PKHD1L1: variants seen among roughly 807,000 people sequenced by gnomAD.
The protein encoded by PKHD1L1 is PKHD1 like 1.
PKHD1L1 carries 434 observed loss-of-function variants against 462.9 expected under a neutral mutation model. That is an observed-to-expected ratio of 0.94 (90% CI 0.87 to 1.02). The LOEUF is 1.02. PKHD1L1 is among the 50% of genes least tolerant of loss of function. The probability of loss-of-function intolerance (pLI) is 0.00; values close to 1 mark genes in which losing one functional copy is unlikely to be tolerated. For synonymous variants in PKHD1L1, 1,781 were observed against 1,750.0 expected (o/e 1.02, Z -0.44); for missense variants, 5,202 against 5,096.1 (o/e 1.02, Z -0.63).
Position 109,398,493 on chromosome 8 carries a change from T to C in PKHD1L1, c.957T>C (p.Asn319=), listed in dbSNP as rs752781576. The C allele has an allele frequency of 5.7e-6, 9 of 1,570,444 alleles. No individual in the cohort carries two copies. In the South Asian group the frequency reaches 1.0e-4, roughly 18 times the overall value. The change falls in exon 12 of 78, where the codon AAT becomes AAC. Residue 319 remains asparagine (N), a synonymous_variant. Transcript: ENST00000378402. ...GTGATATTTTGAATGTCACAGAAAA[T>C]AGTATATGTTGCAAGACACCCCCCA... The part of the protein sequence containing the change: ...EPCDILNVTE[N]SICCKTPPKP...
At chr8:109,385,510 C>A (rs1299846808) in intron 5 of PKHD1L1, 27 bp from the exon 6 acceptor site, 1 of 1,457,322 alleles carries the variant, frequency 6.9e-7, no homozygotes, top group Non-Finnish European at 9.4e-7. Context: ...TACACAGAAT[C>A]TTTTTGGGGT....
intron 50 of PKHD1L1, chr8:109,470,527 G>A: frequency 6.2e-7 from 1 of 1,610,614 alleles, no homozygotes; most frequent in South Asian, 1.1e-5. Context: ...AAAGAAGCAG[G>A]GATTTGATTT....
At position 109,445,026 on chromosome 8, in the gene PKHD1L1, A is replaced by G. The variant is rs1407590243; in HGVS notation, c.5157A>G (p.Gln1719=). The change falls in exon 38 of 78, where the codon CAA becomes CAG. Residue 1719 remains glutamine (Q), a synonymous_variant. Coordinates refer to ENST00000378402, the MANE Select transcript of PKHD1L1 (RefSeq NM_177531.6). ...AIECETSPAA[Q]QLVDVDLLIH... ...AATGTGAAACATCCCCTGCTGCCCA[A>G]CAGCTTGTGGATGTAGATCTTCTAA... 1.2e-5 allele frequency: 19 copies of G among 1,613,846 alleles called. No homozygotes were observed. The highest frequency in any genetic ancestry group is 1.5e-5 in the Non-Finnish European group (18 of 1,179,886).
rs202007554 is a variant in PKHD1L1, at chr8:109,408,168, G to A, written c.1933G>A (p.Ala645Thr). Residue 645 changes from alanine (A) to threonine (T), a missense_variant, in exon 18 of 78, where the codon GCT becomes ACT. Transcript: ENST00000378402. ...ETFTLNWDGIASKPLTLWSSE... is the reference protein window; with the variant it reads ...ETFTLNWDGITSKPLTLWSSE... ...ATTCACACTGAATTGGGATGGGATC[G>A]CTTCTAAGCCACTCACTCTATGGTC... is the stretch of plus-strand genomic sequence containing the variant. 115 of 1,612,748 alleles carry A rather than the reference G, an allele frequency of 7.1e-5. No homozygotes were observed. The African/African-American group carries it at 8.3e-4, about 12-fold the overall frequency.
At chr8:109,497,493 C>A (rs1819167372) in intron 65 of PKHD1L1, among the ~76,000 whole-genome samples, 1 of 145,244 alleles carries the variant, frequency 6.9e-6, no homozygotes, top group South Asian at 2.2e-4. Context: ...AGTGCAGTGG[C>A]ACAATTTCGG....
chr8:109,462,632 C>T (rs952029970), intron 48 of PKHD1L1, among the ~76,000 whole-genome samples: 1 of 152,154 alleles, frequency 6.6e-6, no homozygotes, highest in Middle Eastern at 3.2e-3. Flanking sequence ...ACTTCCACCT[C>T]CAGGGTTCAA....
intron 76 of PKHD1L1, among the ~76,000 whole-genome samples, chr8:109,525,433 C>A (rs1443676655): frequency 6.6e-6 from 1 of 152,212 alleles, no homozygotes; most frequent in Admixed American, 6.5e-5. Context: ...TCTAATAACA[C>A]CATTTCATTT....
At chr8:109,380,050 T>G (rs1279894851) in intron 2 of PKHD1L1, among the ~76,000 whole-genome samples, 1 of 152,158 alleles carries the variant, frequency 6.6e-6, no homozygotes, top group Non-Finnish European at 1.5e-5. Context: ...TGTCACCCTA[T>G]TAGCTACAGT....
At position 109,388,415 on chromosome 8, in the gene PKHD1L1, C is replaced by CCT. The variant is rs1193421143; in HGVS notation, c.570-82_570-81insCT. ...ATTGAGAAAAAAAATTTAAGGGAAC[C>CCT]AGTGAGTTGATGGGAGGAGTGCATT... On this transcript the variant is annotated intron_variant, in intron 6 of 77. Coordinates refer to ENST00000378402, the MANE Select transcript of PKHD1L1 (RefSeq NM_177531.6). 5 of 960,138 alleles carry CCT rather than the reference C, an allele frequency of 5.2e-6. No individual in the cohort carries two copies. The African/African-American group carries it at 8.4e-5, about 16-fold the overall frequency. 59.5% of individuals were successfully genotyped at this position (960,138 alleles called of 1,614,324 possible).
intron 16 of PKHD1L1, among the ~76,000 whole-genome samples, chr8:109,405,911 C>A (rs913476775): frequency 6.6e-6 from 1 of 152,032 alleles, no homozygotes; most frequent in Non-Finnish European, 1.5e-5. Context: ...GTAAACATGT[C>A]TTTCAATTTT....
intron 2 of PKHD1L1, among the ~76,000 whole-genome samples, chr8:109,380,033 A>G (rs1812030475): frequency 6.6e-6 from 1 of 152,164 alleles, no homozygotes; most frequent in African/African-American, 2.4e-5. Context: ...TCCAGGATGA[A>G]CATTAGTGTC....
At chr8:109,514,347 C>G (rs1473578983) in intron 71 of PKHD1L1, among the ~76,000 whole-genome samples, 1 of 152,126 alleles carries the variant, frequency 6.6e-6, no homozygotes, top group Admixed American at 6.6e-5. Flanking sequence ...AACATGTTTC[C>G]TACTTTACCT....
intron 54 of PKHD1L1, 102 bp from the exon 55 acceptor site, chr8:109,479,889 C>A: frequency 8.6e-7 from 1 of 1,160,348 alleles, no homozygotes; most frequent in Non-Finnish European, 1.2e-6. Context: ...AAAGACATGT[C>A]ATAAACACTC....
intron 11 of PKHD1L1, 149 bp from the exon 12 acceptor site, chr8:109,398,310 T>C (rs1348749219): frequency 5.2e-6 from 3 of 577,114 alleles, no homozygotes; most frequent in Non-Finnish European, 9.4e-6. Context: ...AAAGCTTTAA[T>C]AGAGAATATG....
chr8:109,496,843 TTAAC>T lies in PKHD1L1; in HGVS notation c.10328-74_10328-71del, dbSNP rs1819113615. 9.0e-6 allele frequency: 13 copies of T among 1,446,098 alleles called. 1 individual carries two copies. The highest frequency in any genetic ancestry group is 1.2e-5 in the Non-Finnish European group (13 of 1,065,226). 89.6% of individuals were successfully genotyped at this position (1,446,098 alleles called of 1,614,324 possible). A position where few individuals can be genotyped will look rare whatever the true frequency, so the allele number is the denominator to read the frequency against. ...AATTTTGAAAAGAATTTTGTTAACT[TTAAC>T]TGATACTGCTTATTAAAACTATATG... On this transcript the variant is annotated intron_variant, in intron 63 of 77. Coordinates refer to ENST00000378402, the MANE Select transcript of PKHD1L1 (RefSeq NM_177531.6).
chr8:109,467,141 C>A (rs1817486315), intron 50 of PKHD1L1, among the ~76,000 whole-genome samples: 1 of 152,028 alleles, frequency 6.6e-6, no homozygotes, highest in African/African-American at 2.4e-5. Flanking sequence ...TTAATAGCTG[C>A]CTAACAGGTG....
At chr8:109,385,199 A>T (rs1464207021) in intron 5 of PKHD1L1, among the ~76,000 whole-genome samples, 2 of 149,576 alleles carry the variant, frequency 1.3e-5, no homozygotes, top group Non-Finnish European at 3.0e-5. Flanking sequence ...TATTTTTTAT[A>T]TTTCATTTTT....
chr8:109,447,901 C>T (rs910685660), intron 38 of PKHD1L1, among the ~76,000 whole-genome samples: 13 of 152,152 alleles, frequency 8.5e-5, no homozygotes, highest in East Asian at 7.7e-4. Flanking sequence ...CTCAGTAGAA[C>T]GGACAGAAGG....
intron 1 of PKHD1L1, among the ~76,000 whole-genome samples, chr8:109,363,080 G>T (rs1335528953): frequency 1.3e-5 from 2 of 152,154 alleles, no homozygotes; most frequent in Non-Finnish European, 2.9e-5. Flanking sequence ...GGACGGGGAT[G>T]GGACTTCGTG....
Sources: allele counts gnomAD v4.1 joint callset (sites outside exome capture counted in the v4.1 genomes callset), GRCh38; gene constraint gnomAD v4.1.1; transcripts MANE v1.5; gene names NCBI Gene and HGNC (gene_info 2026-07-23, HGNC 2026-07-21).